GPC5: variants seen among roughly 807,000 people sequenced by gnomAD.
The protein encoded by GPC5 is glypican-5.
A neutral mutation model predicts 53.9 loss-of-function variants in GPC5; 47 were observed. The observed-to-expected ratio is 0.87, with a 90% CI of 0.69 to 1.11. The LOEUF is 1.11. Among genes scored for constraint, GPC5 ranks in the 50% most tolerant of loss-of-function variants. The pLI is 0.00. For synonymous variants in GPC5, 286 were observed against 263.3 expected (o/e 1.09, Z -0.84); for missense variants, 748 against 713.1 (o/e 1.05, Z -0.56).
intron 7 of GPC5, among the ~76,000 whole-genome samples, chr13:92,220,643 C>T (rs954349088): frequency 4.6e-5 from 7 of 152,056 alleles, no homozygotes; most frequent in African/African-American, 1.7e-4. Context: ...AATATTTTTT[C>T]CTATCTGATT....
intron 2 of GPC5, among the ~76,000 whole-genome samples, chr13:91,656,711 C>T (rs2034853944): frequency 6.6e-6 from 1 of 152,108 alleles, no homozygotes; most frequent in Non-Finnish European, 1.5e-5. Flanking sequence ...CCACGACTGG[C>T]CTAAAGCAAA....
chr13:91,420,300 G>A lies in GPC5; in HGVS notation c.163+21091G>A, dbSNP rs548956929. Among the ~76,000 whole-genome samples, 40 of 152,072 alleles carry A rather than the reference G, an allele frequency of 2.6e-4. 1 individual carries two copies. Among genetic ancestry groups the A allele is most frequent in the Admixed American group, 1.9e-3 (29 of 15,274 alleles). On this transcript the variant is annotated intron_variant, in intron 1 of 7. Coordinates refer to ENST00000377067, the MANE Select transcript of GPC5 (RefSeq NM_004466.6). ...TTGCCATGTAAATTATAAAATAACC[G>A]TTCTCCATAGTGAATGATGGATGTC...
intron 7 of GPC5, among the ~76,000 whole-genome samples, chr13:92,433,833 C>T (rs1256216697): frequency 1.3e-5 from 2 of 152,036 alleles, no homozygotes; most frequent in East Asian, 3.9e-4. Context: ...ACGGTGACAC[C>T]TACCTCTAGG....
At chr13:92,761,029 A>G (rs563745386) in intron 7 of GPC5, among the ~76,000 whole-genome samples, 14 of 152,278 alleles carry the variant, frequency 9.2e-5, no homozygotes, top group Non-Finnish European at 2.1e-4. Context: ...GATATGATTT[A>G]GATCTTCTTA....
At chr13:91,600,105 A>G (rs1594313010) in intron 2 of GPC5, among the ~76,000 whole-genome samples, 1 of 152,010 alleles carries the variant, frequency 6.6e-6, no homozygotes, top group African/African-American at 2.4e-5. Flanking sequence ...GTATTTTTAG[A>G]GGAGACGGGG....
At position 91,881,601 on chromosome 13, in the gene GPC5, C is replaced by G. The variant is rs143624058; in HGVS notation, c.1281-26336C>G. On this transcript the variant is annotated intron_variant, in intron 5 of 7. Coordinates refer to ENST00000377067, the MANE Select transcript of GPC5 (RefSeq NM_004466.6). ...ACCTTTATACATCTATCTATCTACC[C>G]ACCCATTTATTAAATTTTCAGCATT... is the stretch of plus-strand genomic sequence containing the variant. Among the ~76,000 whole-genome samples, 267 of 152,234 alleles carry G rather than the reference C, an allele frequency of 1.8e-3. 2 individuals carry two copies. Among genetic ancestry groups the G allele is most frequent in the African/African-American group, 6.2e-3 (257 of 41,526 alleles).
intron 7 of GPC5, among the ~76,000 whole-genome samples, chr13:92,174,951 G>A (rs1402850258): frequency 6.6e-6 from 1 of 152,180 alleles, no homozygotes; most frequent in Non-Finnish European, 1.5e-5. Context: ...CTGGGTTCAA[G>A]CGATTCTCCT....
intron 2 of GPC5, among the ~76,000 whole-genome samples, chr13:91,606,485 G>A (rs920999230): frequency 6.7e-6 from 1 of 150,088 alleles, no homozygotes; most frequent in African/African-American, 2.4e-5. Flanking sequence ...GAGTTAGGGA[G>A]GATTCCCTCT....
intron 6 of GPC5, among the ~76,000 whole-genome samples, chr13:91,971,440 G>T (rs772560382): frequency 2.0e-5 from 3 of 151,914 alleles, no homozygotes; most frequent in Non-Finnish European, 4.4e-5. Context: ...CTAATTTTTT[G>T]AAGAGATTTT....
chr13:92,469,157 A>G (rs74107281), intron 7 of GPC5, among the ~76,000 whole-genome samples: 3,514 of 152,168 alleles, frequency 0.023, 153 homozygotes, highest in African/African-American at 0.081. Context: ...ACATTTTTAC[A>G]TTATTTAAAA....
intron 2 of GPC5, among the ~76,000 whole-genome samples, chr13:91,581,452 A>G (rs914016851): frequency 1.3e-5 from 2 of 152,124 alleles, no homozygotes; most frequent in African/African-American, 4.8e-5. Context: ...CCCTTCATCC[A>G]AGATCTGGAT....
In GPC5 at chr13:92,439,669, G is replaced by A. The variant is rs78007303; in HGVS notation, c.1561+294680G>A. Among the ~76,000 whole-genome samples the A allele has an allele frequency of 8.5e-3, 1,299 of 152,130 alleles. 11 individuals carry two copies. Among genetic ancestry groups the A allele is most frequent in the Middle Eastern group, 0.02 (6 of 294 alleles). ...TGTTTTTAAAAATAGGAACATAAAA[G>A]AACATAAAAATCTGTGTTCAAGTCT... On this transcript the variant is annotated intron_variant, in intron 7 of 7. Coordinates refer to ENST00000377067, the MANE Select transcript of GPC5 (RefSeq NM_004466.6).
chr13:92,160,745 A>G (rs895916540), intron 7 of GPC5, among the ~76,000 whole-genome samples: 3 of 152,178 alleles, frequency 2.0e-5, no homozygotes, highest in Non-Finnish European at 1.5e-5. Flanking sequence ...AGAACAGGGG[A>G]AAAGTTGAGG....
chr13:92,214,199 T>G (rs568997537), intron 7 of GPC5, among the ~76,000 whole-genome samples: 1 of 152,188 alleles, frequency 6.6e-6, no homozygotes, highest in Non-Finnish European at 1.5e-5. Flanking sequence ...GTATAAATTT[T>G]TTTCTATACT....
chr13:92,003,894 TGAG>T (rs2040579757), intron 6 of GPC5, among the ~76,000 whole-genome samples: 1 of 152,150 alleles, frequency 6.6e-6, no homozygotes, highest in Admixed American at 6.5e-5. Flanking sequence ...ATCTGATCTG[TGAG>T]AAGATTAAAA....
At chr13:92,029,967 G>A (rs949911405) in intron 6 of GPC5, among the ~76,000 whole-genome samples, 2 of 152,096 alleles carry the variant, frequency 1.3e-5, no homozygotes, top group African/African-American at 4.8e-5. Context: ...AAAGTACTAG[G>A]AGAATTGTTT....
intron 7 of GPC5, among the ~76,000 whole-genome samples, chr13:92,502,983 C>T (rs1880244497): frequency 6.6e-6 from 1 of 151,972 alleles, no homozygotes; most frequent in Non-Finnish European, 1.5e-5. Flanking sequence ...TAAAATCACA[C>T]ATAATGTGTT....
intron 7 of GPC5, among the ~76,000 whole-genome samples, chr13:92,170,253 T>C (rs2042059925): frequency 6.6e-6 from 1 of 151,882 alleles, no homozygotes; most frequent in South Asian, 2.1e-4. Context: ...TTGTTTTGAA[T>C]TTCTGATGTC....
chr13:91,528,204 A>G (rs1886175654), intron 2 of GPC5, among the ~76,000 whole-genome samples: 1 of 152,174 alleles, frequency 6.6e-6, no homozygotes, highest in Non-Finnish European at 1.5e-5. Flanking sequence ...CCTTTTAAAC[A>G]TAAGTTACAA....
Sources: gnomAD v4.1 joint callset for allele counts (sites outside exome capture counted in the v4.1 genomes callset) on GRCh38, gnomAD v4.1.1 for gene constraint, MANE v1.5 for transcripts, NCBI Gene and HGNC (gene_info 2026-07-23, HGNC 2026-07-21) for gene names.